The following DPH6 variants were observed in gnomAD, a reference collection of about 807,000 sequenced individuals.
The protein encoded by DPH6 is diphthamine biosynthesis 6.
In DPH6, 33 loss-of-function variants were observed where a neutral mutation model predicts 38.2. That is an observed-to-expected ratio of 0.86 (90% CI 0.65 to 1.15). The LOEUF is 1.15. DPH6 is among the 50% of genes most tolerant of loss of function. The pLI, the probability that DPH6 is intolerant of heterozygous loss-of-function variation, is 0.00. For synonymous variants in DPH6, 108 were observed against 103.0 expected (o/e 1.05, Z -0.30); for missense variants, 325 against 320.0 (o/e 1.02, Z -0.12).
chr15:35,407,671 A>G (rs1403086895), intron 6 of DPH6, among the ~76,000 whole-genome samples: 3 of 151,974 alleles, frequency 2.0e-5, no homozygotes, highest in Admixed American at 6.6e-5. Context: ...ATGAGAAGGT[A>G]TTAACCAGTG....
chr15:35,354,757 T>C (rs933396205), intron 3 of DPH6, among the ~76,000 whole-genome samples: 10 of 152,138 alleles, frequency 6.6e-5, no homozygotes, highest in Non-Finnish European at 1.5e-4. Context: ...TTTTGTTGTG[T>C]CTCTGCAGGC....
intron 3 of DPH6, among the ~76,000 whole-genome samples, chr15:35,477,372 T>G (rs1402930852): frequency 6.6e-6 from 1 of 151,768 alleles, no homozygotes; most frequent in Non-Finnish European, 1.5e-5. Flanking sequence ...ACACGAAATA[T>G]TTTTTGAAGT....
At chr15:35,291,218 T>C (rs1225027748) in intron 3 of DPH6, among the ~76,000 whole-genome samples, 1 of 152,098 alleles carries the variant, frequency 6.6e-6, no homozygotes, top group Non-Finnish European at 1.5e-5. Context: ...GGATGGCTAA[T>C]GGTTTTGGAG....
chr15:35,419,167 C>G (rs867210701), intron 5 of DPH6, among the ~76,000 whole-genome samples: 1 of 151,800 alleles, frequency 6.6e-6, no homozygotes, highest in South Asian at 2.1e-4. Flanking sequence ...TTTTAAAACT[C>G]GAATTGTTTT....
chr15:35,447,377 T>C (rs1430063698), intron 5 of DPH6, among the ~76,000 whole-genome samples: 1 of 152,194 alleles, frequency 6.6e-6, no homozygotes, highest in East Asian at 1.9e-4. Context: ...GAAGGTCACA[T>C]GGTTACAGCT....
At chr15:35,273,294 C>A (rs1030914249) in intron 3 of DPH6, among the ~76,000 whole-genome samples, 2 of 152,138 alleles carry the variant, frequency 1.3e-5, no homozygotes, top group African/African-American at 2.4e-5. Context: ...TTATCCTTCA[C>A]CCCCTTCTCA....
chr15:35,456,180 C>T (rs1402368176), intron 3 of DPH6, among the ~76,000 whole-genome samples: 2 of 151,978 alleles, frequency 1.3e-5, no homozygotes, highest in Non-Finnish European at 2.9e-5. Flanking sequence ...CCTTCCTAGC[C>T]ATTTTTGTTT....
At chr15:35,541,826 G>A (rs2043851321) in intron 2 of DPH6, among the ~76,000 whole-genome samples, 1 of 151,980 alleles carries the variant, frequency 6.6e-6, no homozygotes, top group South Asian at 2.1e-4. Flanking sequence ...AGAAAAGAAT[G>A]AAAAAAGTAG....
At chr15:35,315,386 T>C (rs1180203282) in intron 3 of DPH6, among the ~76,000 whole-genome samples, 1 of 152,236 alleles carries the variant, frequency 6.6e-6, no homozygotes, top group East Asian at 1.9e-4. Context: ...CAAAAATGTG[T>C]TGATTGTAAT....
chr15:35,430,864 A>C (rs2053624008), intron 5 of DPH6, among the ~76,000 whole-genome samples: 1 of 152,140 alleles, frequency 6.6e-6, no homozygotes, highest in Non-Finnish European at 1.5e-5. Context: ...TAATGTGACA[A>C]TGCAAATAAA....
At chr15:35,537,931 T>C (rs1441269752) in intron 3 of DPH6, among the ~76,000 whole-genome samples, 1 of 152,164 alleles carries the variant, frequency 6.6e-6, no homozygotes, top group East Asian at 1.9e-4. Flanking sequence ...TCTAGCACTA[T>C]ATGCCAGGCA....
intron 3 of DPH6, among the ~76,000 whole-genome samples, chr15:35,496,567 A>AAAAAAAAAAAAAAAAAAAAAATATAT: frequency 3.2e-5 from 1 of 31,016 alleles, no homozygotes; most frequent in African/African-American, 1.4e-4. Flanking sequence ...AAAAAAAAAA[A>AAAAAAAAAAAAAAAAAAAAAATATAT]ATATATATAT....
intron 6 of DPH6, chr15:35,400,742 T>A (rs139108481): frequency 6.8e-6 from 5 of 737,278 alleles, no homozygotes; most frequent in African/African-American, 1.7e-5. Flanking sequence ...GAAGCTCTTA[T>A]TGGAGGGTTG....
At chr15:35,295,020 G>C (rs903614259) in intron 3 of DPH6, among the ~76,000 whole-genome samples, 2 of 152,150 alleles carry the variant, frequency 1.3e-5, no homozygotes, top group South Asian at 2.1e-4. Flanking sequence ...AGAGTTGAAG[G>C]GCAGTTGCTG....
At chr15:35,426,783 A>G (rs540328509) in intron 5 of DPH6, among the ~76,000 whole-genome samples, 1 of 151,566 alleles carries the variant, frequency 6.6e-6, no homozygotes, top group Non-Finnish European at 1.5e-5. Flanking sequence ...GGTTTCTAGG[A>G]AGACATATAA....
rs1430569015 is a variant in DPH6, at chr15:35,372,028, T to C, written c.*122A>G. On this transcript the variant is annotated 3_prime_UTR_variant, in exon 9 of 9. Transcript: ENST00000256538. Reference sequence around the variant, plus strand: ...CCACTAACCTCTTCTAGTGAAAGTATGTTTCTCTAAAAAAATAAGAGTCAT... The same window carrying C: ...CCACTAACCTCTTCTAGTGAAAGTACGTTTCTCTAAAAAAATAAGAGTCAT... The C allele has an allele frequency of 2.3e-5, 32 of 1,419,206 alleles. No homozygotes were observed. Among genetic ancestry groups the C allele is most frequent in the Non-Finnish European group, 2.9e-5 (32 of 1,089,266 alleles). The allele number at this position is 1,419,206 out of a possible 1,614,324, so 87.9% of individuals were successfully genotyped here.
intron 3 of DPH6, among the ~76,000 whole-genome samples, chr15:35,289,890 T>C (rs2051968517): frequency 6.6e-6 from 1 of 152,248 alleles, no homozygotes; most frequent in African/African-American, 2.4e-5. Flanking sequence ...TAAAATACCC[T>C]ATTCAAACCT....
At chr15:35,539,894 T>C (rs2055226655) in intron 2 of DPH6, among the ~76,000 whole-genome samples, 2 of 152,068 alleles carry the variant, frequency 1.3e-5, no homozygotes, top group African/African-American at 4.8e-5. Context: ...TTCAGAATAT[T>C]ACTCACATTG....
At chr15:35,452,485 ATCTCTC>A (rs58439057) in intron 4 of DPH6, among the ~76,000 whole-genome samples, 106,380 of 149,802 alleles carry the variant, frequency 0.71, 39,750 homozygotes, top group South Asian at 0.89. Flanking sequence ...GCCTATATTG[ATCTCTC>A]TCTCTCTCTC....
Sources: allele counts gnomAD v4.1 joint callset (sites outside exome capture counted in the v4.1 genomes callset), GRCh38; gene constraint gnomAD v4.1.1; transcripts MANE v1.5; gene names NCBI Gene and HGNC (gene_info 2026-07-23, HGNC 2026-07-21).